The following DPP10 variants were observed in gnomAD, a reference collection of about 807,000 sequenced individuals.
The protein encoded by DPP10 is dipeptidyl peptidase like 10.
A neutral mutation model predicts 120.9 loss-of-function variants in DPP10; 33 were observed. The ratio of observed to expected loss-of-function variants is 0.27; its 90% CI spans 0.21 to 0.37. The LOEUF (loss-of-function observed/expected upper bound fraction) is 0.37. DPP10 is among the 10% of genes least tolerant of loss of function. The pLI is 1.00. For missense variants in DPP10, 816 were observed against 942.8 expected, an observed-to-expected ratio of 0.87 and a Z score of 1.76; for synonymous variants, 337 against 326.1, an observed-to-expected ratio of 1.03 and a Z score of -0.36.
At chr2:115,308,313 A>G (rs541466665) in intron 1 of DPP10, among the ~76,000 whole-genome samples, 33 of 152,192 alleles carry the variant, frequency 2.2e-4, no homozygotes, top group Admixed American at 7.9e-4. Context: ...TGTTTCATTT[A>G]TCACCAAATC....
Position 114,492,370 on chromosome 2 carries a change from A to G in DPP10, c.60+49532A>G, listed in dbSNP as rs370937024. Among the ~76,000 whole-genome samples the G allele has an allele frequency of 2.5e-4, 38 of 152,240 alleles. No individual in the cohort carries two copies. The East Asian group carries it at 2.9e-3, about 12-fold the overall frequency. ...AATGAGCCATTAAGGTTAGGTTATC[A>G]ATGATCAACTAACCAAACTATCTTA... is the stretch of plus-strand genomic sequence containing the variant. On this transcript the variant is annotated intron_variant, in intron 1 of 25. Coordinates refer to ENST00000410059, the MANE Select transcript of DPP10 (RefSeq NM_020868.6).
At chr2:115,330,477 G>A (rs890883751) in intron 2 of DPP10, among the ~76,000 whole-genome samples, 1 of 151,806 alleles carries the variant, frequency 6.6e-6, no homozygotes, top group Non-Finnish European at 1.5e-5. Context: ...TGTTGCCATT[G>A]CTTTTGGTGT....
At chr2:114,790,677 G>T (rs1318978454) in intron 1 of DPP10, among the ~76,000 whole-genome samples, 1 of 151,954 alleles carries the variant, frequency 6.6e-6, no homozygotes, top group African/African-American at 2.4e-5. Context: ...GTGGGGGTTC[G>T]CAAGGTGCTC....
intron 1 of DPP10, among the ~76,000 whole-genome samples, chr2:114,529,886 A>G (rs748283549): frequency 2.0e-5 from 3 of 151,742 alleles, no homozygotes; most frequent in African/African-American, 2.4e-5. Flanking sequence ...GTTCTCCTCT[A>G]TGTGTCCATG....
chr2:114,964,772 G>C (rs998415369), intron 1 of DPP10, among the ~76,000 whole-genome samples: 1 of 152,202 alleles, frequency 6.6e-6, no homozygotes, highest in South Asian at 2.1e-4. Flanking sequence ...TTTCCTCTCA[G>C]TGTGGGAGAA....
Position 115,253,076 on chromosome 2 carries a change from G to T in DPP10, c.61-56163G>T, listed in dbSNP as rs375661637. ...ACGGGAAGCATGGTGCCAACATCTG[G>T]TTGGCTTCTGGGGAGGTCTCAGGGA... On this transcript the variant is annotated intron_variant, in intron 1 of 25. Coordinates refer to ENST00000410059, the MANE Select transcript of DPP10 (RefSeq NM_020868.6). 1.1e-4 allele frequency among the ~76,000 whole-genome samples: 16 copies of T among 152,296 alleles called. No individual in the cohort carries two copies. The East Asian group carries it at 2.9e-3, about 28-fold the overall frequency.
At chr2:114,782,511 C>A (rs1682425233) in intron 1 of DPP10, among the ~76,000 whole-genome samples, 2 of 151,880 alleles carry the variant, frequency 1.3e-5, no homozygotes, top group African/African-American at 4.8e-5. Context: ...CATCTGAAGG[C>A]ACCCATTTGA....
chr2:114,692,880 T>G (rs1289488415), intron 1 of DPP10, among the ~76,000 whole-genome samples: 1 of 152,104 alleles, frequency 6.6e-6, no homozygotes, highest in Non-Finnish European at 1.5e-5. Context: ...AAGTCTGTTT[T>G]GTCAGAAACT....
chr2:115,153,983 A>C (rs2051732530), intron 1 of DPP10, among the ~76,000 whole-genome samples: 1 of 152,198 alleles, frequency 6.6e-6, no homozygotes, highest in South Asian at 2.1e-4. Context: ...GTTGTCAAAA[A>C]CTAGCAAAGC....
intron 5 of DPP10, among the ~76,000 whole-genome samples, chr2:115,562,623 C>G (rs1435786320): frequency 6.6e-6 from 1 of 152,156 alleles, no homozygotes; most frequent in Non-Finnish European, 1.5e-5. Context: ...TTGCAAACAA[C>G]CTTAACTATT....
intron 1 of DPP10, among the ~76,000 whole-genome samples, chr2:114,990,674 T>G (rs879626345): frequency 6.6e-5 from 10 of 152,232 alleles, no homozygotes; most frequent in Non-Finnish European, 1.0e-4. Context: ...CTGGCATTTC[T>G]CTGTGAAGGA....
At chr2:115,184,507 T>A (rs559888192) in intron 1 of DPP10, among the ~76,000 whole-genome samples, 1,526 of 152,272 alleles carry the variant, frequency 0.01, 11 homozygotes, top group Non-Finnish European at 0.015. Flanking sequence ...AGAGTCACAT[T>A]CGCTTTGAAG....
At chr2:114,761,284 C>T (rs1680258970) in intron 1 of DPP10, among the ~76,000 whole-genome samples, 1 of 152,052 alleles carries the variant, frequency 6.6e-6, no homozygotes, top group South Asian at 2.1e-4. Context: ...CTGGGAAATA[C>T]TATATATTAT....
At chr2:114,771,449 T>C (rs950862702) in intron 1 of DPP10, among the ~76,000 whole-genome samples, 1 of 152,218 alleles carries the variant, frequency 6.6e-6, no homozygotes, top group Admixed American at 6.5e-5. Flanking sequence ...GCAACGAGCA[T>C]CACCTGTTAC....
At chr2:115,344,229 T>C (rs2063601671) in intron 3 of DPP10, among the ~76,000 whole-genome samples, 1 of 152,110 alleles carries the variant, frequency 6.6e-6, no homozygotes, top group Admixed American at 6.6e-5. Context: ...ATTAAAACCT[T>C]GGTTCTTGTG....
chr2:115,191,081 T>A (rs1426244416), intron 1 of DPP10, among the ~76,000 whole-genome samples: 4 of 152,136 alleles, frequency 2.6e-5, no homozygotes, highest in African/African-American at 9.7e-5. Flanking sequence ...TCCTATACTA[T>A]AGAAATGGCT....
chr2:115,096,419 G>T (rs1305013288), intron 1 of DPP10, among the ~76,000 whole-genome samples: 1 of 152,084 alleles, frequency 6.6e-6, no homozygotes, highest in Admixed American at 6.6e-5. Context: ...CCTAATTGAT[G>T]AATAAAATGA....
chr2:115,477,335 C>CA (rs34105247), intron 3 of DPP10, among the ~76,000 whole-genome samples: 1 of 151,930 alleles, frequency 6.6e-6, no homozygotes, highest in Non-Finnish European at 1.5e-5. Context: ...AGTCAATACA[C>CA]AAAAATCAGT....
intron 1 of DPP10, among the ~76,000 whole-genome samples, chr2:114,482,912 C>T (rs1681185886): frequency 6.6e-6 from 1 of 152,186 alleles, no homozygotes; most frequent in East Asian, 1.9e-4. Context: ...TAAGCAAAGT[C>T]TCCACAACAT....
Sources: allele counts gnomAD v4.1 joint callset (sites outside exome capture counted in the v4.1 genomes callset), GRCh38; gene constraint gnomAD v4.1.1; transcripts MANE v1.5; gene names NCBI Gene and HGNC (gene_info 2026-07-23, HGNC 2026-07-21).